KDM5A: variants seen among roughly 807,000 people sequenced by gnomAD.
KDM5A encodes lysine-specific demethylase 5A.
KDM5A carries 42 observed loss-of-function variants against 193.5 expected under a neutral mutation model. The ratio of observed to expected loss-of-function variants is 0.22; its 90% confidence interval spans 0.17 to 0.28. The LOEUF (loss-of-function observed/expected upper bound fraction) is 0.28, where lower values mean the gene tolerates loss of function less well. Ranked by LOEUF, KDM5A falls within the 10% of genes least tolerant of loss-of-function variation. KDM5A has a pLI of 1.00. For missense variants in KDM5A, 1,692 were observed against 2,055.1 expected (o/e 0.82, Z 3.42); for synonymous variants, 796 against 718.1 (o/e 1.11, Z -1.73).
At chr12:368,269 C>T (rs747599614) in intron 3 of KDM5A, among the ~76,000 whole-genome samples, 3 of 152,056 alleles carry the variant, frequency 2.0e-5, no homozygotes, top group Admixed American at 6.6e-5. Context: ...AGGGAGAAGT[C>T]CTGGAACTAT....
chr12:371,820 T>C (rs1229123551), intron 3 of KDM5A, among the ~76,000 whole-genome samples: 2 of 152,236 alleles, frequency 1.3e-5, no homozygotes. Context: ...TTTCTACATA[T>C]GGCTAGCCAG....
chr12:335,806 G>C (rs948022595), intron 10 of KDM5A, among the ~76,000 whole-genome samples: 6 of 151,522 alleles, frequency 4.0e-5, no homozygotes, highest in Non-Finnish European at 7.4e-5. Context: ...CTTTGGGAGG[G>C]TGAGGTGGGT....
intron 1 of KDM5A, among the ~76,000 whole-genome samples, chr12:387,833 G>A (rs891770889): frequency 3.9e-5 from 6 of 152,084 alleles, no homozygotes; most frequent in African/African-American, 1.2e-4. Flanking sequence ...AATACGCTGC[G>A]GTGCCTATCT....
chr12:353,459 A>G (rs982670210), intron 8 of KDM5A, among the ~76,000 whole-genome samples: 4 of 152,140 alleles, frequency 2.6e-5, no homozygotes, highest in Non-Finnish European at 5.9e-5. Context: ...TAGAGAAAAA[A>G]CTATGTTTTT....
intron 5 of KDM5A, among the ~76,000 whole-genome samples, chr12:357,267 G>A (rs947711056): frequency 3.3e-5 from 5 of 150,686 alleles, no homozygotes; most frequent in Admixed American, 1.3e-4. Flanking sequence ...ACAGACAAGC[G>A]AGACCCTGAA....
At chr12:303,839 T>C (rs1332227910) in intron 24 of KDM5A, among the ~76,000 whole-genome samples, 1 of 152,178 alleles carries the variant, frequency 6.6e-6, no homozygotes, top group African/African-American at 2.4e-5. Context: ...CAAGTATATG[T>C]CTGACTGACA....
chr12:373,327 G>A (rs376425644), intron 3 of KDM5A, among the ~76,000 whole-genome samples: 2 of 152,180 alleles, frequency 1.3e-5, no homozygotes, highest in African/African-American at 4.8e-5. Flanking sequence ...TTGGGAGGGT[G>A]TATGTCTCCA....
At chr12:322,640 C>T (rs982062419) in intron 16 of KDM5A, 73 bp from the exon 17 acceptor site, 17 of 1,343,640 alleles carry the variant, frequency 1.3e-5, no homozygotes, top group Non-Finnish European at 1.6e-5. Flanking sequence ...TCTTCACCAA[C>T]CTCACTCAAG....
At chr12:334,940 A>G (rs1245839387) in intron 10 of KDM5A, among the ~76,000 whole-genome samples, 1 of 152,062 alleles carries the variant, frequency 6.6e-6, no homozygotes, top group South Asian at 2.1e-4. Context: ...AATTATAACA[A>G]TAAGACTGAC....
chr12:310,066 G>T, intron 21 of KDM5A, 102 bp from the exon 22 acceptor site: 2 of 1,244,506 alleles, frequency 1.6e-6, no homozygotes, highest in Non-Finnish European at 2.3e-6. Flanking sequence ...CATGTCCCAC[G>T]CACTTTCTTA....
At chr12:328,813 A>C (rs1182470634) in intron 14 of KDM5A, 22 bp downstream of exon 14, 1 of 1,611,340 alleles carries the variant, frequency 6.2e-7, no homozygotes, top group East Asian at 2.2e-5. Context: ...TCAAACATAG[A>C]AAATGTGCTC....
chr12:320,330 T>C (rs1161183183), intron 18 of KDM5A, among the ~76,000 whole-genome samples: 1 of 152,106 alleles, frequency 6.6e-6, no homozygotes, highest in Non-Finnish European at 1.5e-5. Context: ...AACCCACCTC[T>C]ACTAAAACTA....
chr12:289,895 TTTTC>T lies in KDM5A; in HGVS notation c.4866+2860_4866+2863del, dbSNP rs1310831543. ...ACAAACTGGGCTAAAAAGCATGATT[TTTTC>T]TTTCTTTCTTTTTTTTTTTTTTTTT... On this transcript the variant is annotated intron_variant, in intron 27 of 27. Transcript: ENST00000399788. Among the ~76,000 whole-genome samples, 42 of 146,466 alleles carry T rather than the reference TTTTC, an allele frequency of 2.9e-4. 1 individual carries two copies. The highest frequency in any genetic ancestry group is 3.4e-3 in the Middle Eastern group (1 of 290).
At chr12:316,911 T>C (rs923717084) in intron 19 of KDM5A, among the ~76,000 whole-genome samples, 1 of 152,188 alleles carries the variant, frequency 6.6e-6, no homozygotes, top group Admixed American at 6.5e-5. Flanking sequence ...GGTATTGAAA[T>C]GAAGTGGAAG....
intron 15 of KDM5A, 75 bp downstream of exon 15, chr12:323,525 G>A: frequency 7.2e-7 from 1 of 1,379,438 alleles, no homozygotes. Context: ...GTAAAGTAAG[G>A]GAATAAGTAA....
chr12:322,409 AG>A lies in KDM5A; in HGVS notation c.2426+7del, dbSNP rs1421684896. The A allele has an allele frequency of 6.2e-7, 1 of 1,610,468 alleles. No homozygotes were observed. The highest frequency in any genetic ancestry group is 8.5e-7 in the Non-Finnish European group (1 of 1,179,796). On this transcript the variant is annotated splice_region_variant and intron_variant, in intron 17 of 27. Coordinates refer to ENST00000399788, the MANE Select transcript of KDM5A (RefSeq NM_001042603.3). ...AACACTGGAGAATTAAACTCTTCTT[AG>A]GTTTACCTGTGTTTCTGCTTTTTGC... is the stretch of plus-strand genomic sequence containing the variant.
chr12:340,168 G>A (rs533123200), intron 10 of KDM5A, among the ~76,000 whole-genome samples: 1 of 152,174 alleles, frequency 6.6e-6, no homozygotes, highest in East Asian at 1.9e-4. Context: ...GTGAGCCACT[G>A]CACCTGGCCA....
chr12:333,584 C>T lies in KDM5A; in HGVS notation c.1556G>A (p.Arg519Lys). The T allele has an allele frequency of 6.2e-7, 1 of 1,614,140 alleles. No individual in the cohort carries two copies. Among genetic ancestry groups the T allele is most frequent in the Non-Finnish European group, 8.5e-7 (1 of 1,180,012 alleles). The change falls in exon 12 of 28, where the codon AGA (arginine) becomes AAA (lysine). Residue 519 changes from arginine (R) to lysine (K), a missense_variant. Arg to Lys is a conservative substitution (Grantham distance 26, BLOSUM62 2). Coordinates refer to ENST00000399788, the MANE Select transcript of KDM5A (RefSeq NM_001042603.3). ...TTCAAATAACTCGGGGGCCAGCTCT[C>T]TCATCACCTCCTCCAGTTGCTCTGC... The part of the protein sequence containing the change: ...HAAEQLEEVM[R>K]ELAPELFESQ...
Position 282,759 on chromosome 12 carries a change from G to A in KDM5A, c.*2697C>T, listed in dbSNP as rs1943171913. 4.3e-6 allele frequency: 1 copy of A among 232,516 alleles called. No individual in the cohort carries two copies. Among genetic ancestry groups the A allele is most frequent in the African/African-American group, 2.2e-5 (1 of 45,320 alleles). 14.4% of individuals were successfully genotyped at this position (232,516 alleles called of 1,614,324 possible). ...AGGGTAGAAAGACATTTTAAATCAT[G>A]TCTTAATACAAAATATTACAATACA... is the stretch of plus-strand genomic sequence containing the variant. On this transcript the variant is annotated 3_prime_UTR_variant, in exon 28 of 28. Transcript: ENST00000399788.
Sources: allele counts gnomAD v4.1 joint callset (sites outside exome capture counted in the v4.1 genomes callset), GRCh38; gene constraint gnomAD v4.1.1; transcripts MANE v1.5; gene names NCBI Gene and HGNC (gene_info 2026-07-23, HGNC 2026-07-21).